The following LUC7L2 variants were observed in gnomAD, a reference collection of about 807,000 sequenced individuals.
The protein encoded by LUC7L2 is putative RNA-binding protein Luc7-like 2.
Under a neutral mutation model 52.8 loss-of-function variants are expected in LUC7L2, and 25 were observed. The ratio of observed to expected loss-of-function variants is 0.47; its 90% CI spans 0.34 to 0.66. The LOEUF (loss-of-function observed/expected upper bound fraction) is 0.66, where lower values mean the gene tolerates loss of function less well. Ranked by LOEUF, LUC7L2 falls within the 30% of genes least tolerant of loss-of-function variation. The pLI is 0.01. For missense variants in LUC7L2, 328 were observed against 497.8 expected, an observed-to-expected ratio of 0.66 and a Z score of 3.25; for synonymous variants, 144 against 160.9, an observed-to-expected ratio of 0.89 and a Z score of 0.80.
intron 6 of LUC7L2, 74 bp downstream of exon 6, chr7:139,407,424 T>C: frequency 6.8e-7 from 1 of 1,474,588 alleles, no homozygotes; most frequent in Non-Finnish European, 9.1e-7. Flanking sequence ...TTGTACAATA[T>C]TCTTGACTAT....
upstream of LUC7L2, among the ~76,000 whole-genome samples, chr7:139,357,939 C>T (rs1329761385): frequency 2.0e-5 from 3 of 152,114 alleles, no homozygotes; most frequent in Non-Finnish European, 2.9e-5. Context: ...ATTCGCCCGC[C>T]TCGGCCTCCC....
intron 1 of LUC7L2, among the ~76,000 whole-genome samples, chr7:139,362,909 A>G (rs1799959942): frequency 6.6e-6 from 1 of 152,156 alleles, no homozygotes; most frequent in Non-Finnish European, 1.5e-5. Flanking sequence ...AAAGTAGTTA[A>G]TCATTTAGAT....
chr7:139,362,482 G>A (rs1799938234), intron 1 of LUC7L2, among the ~76,000 whole-genome samples: 1 of 152,108 alleles, frequency 6.6e-6, no homozygotes, highest in Non-Finnish European at 1.5e-5. Context: ...ACCATTTAAT[G>A]GGAACCCTTG....
At chr7:139,399,463 T>A (rs1794804597) in intron 3 of LUC7L2, among the ~76,000 whole-genome samples, 1 of 49,668 alleles carries the variant, frequency 2.0e-5, no homozygotes, top group Non-Finnish European at 3.4e-5. Flanking sequence ...TTTTTTTTTT[T>A]TTTTTTTTTT....
intron 7 of LUC7L2, among the ~76,000 whole-genome samples, chr7:139,410,094 C>T (rs989287487): frequency 6.6e-6 from 1 of 152,058 alleles, no homozygotes; most frequent in Non-Finnish European, 1.5e-5. Flanking sequence ...GTAGTCCCAG[C>T]TGCGCGGGAG....
intron 2 of LUC7L2, among the ~76,000 whole-genome samples, chr7:139,390,332 C>T (rs1433789022): frequency 2.0e-5 from 3 of 151,510 alleles, no homozygotes; most frequent in Non-Finnish European, 1.5e-5. Flanking sequence ...GCCATCTCCA[C>T]TCACCACAAC....
upstream of LUC7L2, among the ~76,000 whole-genome samples, chr7:139,358,489 C>CATTT (rs5887926): frequency 0.39 from 58,396 of 151,554 alleles, 15,621 homozygotes; most frequent in African/African-American, 0.77. Flanking sequence ...TTAACTCATT[C>CATTT]TTCTTACAGT....
intron 9 of LUC7L2, among the ~76,000 whole-genome samples, chr7:139,419,688 A>AT (rs1371782593): frequency 6.6e-6 from 1 of 152,126 alleles, no homozygotes; most frequent in Non-Finnish European, 1.5e-5. Context: ...AGATTGTGTT[A>AT]TTTTAGTCCC....
At chr7:139,393,038 G>A (rs894447870) in intron 2 of LUC7L2, among the ~76,000 whole-genome samples, 6 of 151,820 alleles carry the variant, frequency 4.0e-5, no homozygotes, top group Non-Finnish European at 8.8e-5. Context: ...AGGCCGAGGC[G>A]GTTGAATTAC....
At chr7:139,410,134 G>A (rs10244770) in intron 7 of LUC7L2, among the ~76,000 whole-genome samples, 1 of 152,072 alleles carries the variant, frequency 6.6e-6, no homozygotes, top group Non-Finnish European at 1.5e-5. Flanking sequence ...GTGAACCTGG[G>A]GGGGCAGAGC....
chr7:139,365,880 C>T (rs947222014), intron 1 of LUC7L2, among the ~76,000 whole-genome samples: 1 of 152,196 alleles, frequency 6.6e-6, no homozygotes, highest in Admixed American at 6.5e-5. Flanking sequence ...TCAAAACTTG[C>T]AGAAAAGCTA....
chr7:139,394,118 AAG>A (rs1350487225), intron 2 of LUC7L2, among the ~76,000 whole-genome samples: 4 of 152,174 alleles, frequency 2.6e-5, no homozygotes, highest in Non-Finnish European at 5.9e-5. Context: ...GTCCAAGCAA[AAG>A]AGATAATCCA....
At chr7:139,396,143 T>G (rs1794655560) in intron 2 of LUC7L2, among the ~76,000 whole-genome samples, 1 of 152,196 alleles carries the variant, frequency 6.6e-6, no homozygotes, top group Non-Finnish European at 1.5e-5. Flanking sequence ...GCTTTGATTA[T>G]TGAAAATATT....
At chr7:139,386,067 A>G (rs528247446) in intron 2 of LUC7L2, among the ~76,000 whole-genome samples, 4 of 152,286 alleles carry the variant, frequency 2.6e-5, no homozygotes, top group African/African-American at 7.2e-5. Context: ...CAATGGCACA[A>G]TCTTGGCTCA....
In LUC7L2 at chr7:139,363,976, CTTTT is replaced by C. The variant is rs1169793101; in HGVS notation, c.61+3678_61+3681del. On this transcript the variant is annotated intron_variant, in intron 1 of 9. Transcript: ENST00000354926. ...TGAGGGTGTGGATTTAGATTACATC[CTTTT>C]TTTTTTTTTTTTTTTTTTTTTTTGA... 6.7e-3 allele frequency among the ~76,000 whole-genome samples: 640 copies of C among 96,016 alleles called. 6 individuals carry two copies. Among genetic ancestry groups the C allele is most frequent in the African/African-American group, 0.023 (393 of 17,238 alleles). 63.0% of individuals were successfully genotyped at this position (96,016 alleles called of 152,430 possible).
chr7:139,366,848 T>C (rs560333480), intron 1 of LUC7L2, among the ~76,000 whole-genome samples: 17 of 152,328 alleles, frequency 1.1e-4, no homozygotes, highest in African/African-American at 4.1e-4. Flanking sequence ...ATTCTGGATA[T>C]GGGCCCCAGC....
intron 1 of LUC7L2, among the ~76,000 whole-genome samples, chr7:139,350,271 G>A (rs925160063): frequency 2.5e-4 from 38 of 151,948 alleles, no homozygotes; most frequent in African/African-American, 6.5e-4. Context: ...ACAGGCGCCC[G>A]CCACCACGCC....
chr7:139,408,997 A>G (rs968293797), intron 6 of LUC7L2, among the ~76,000 whole-genome samples: 3 of 151,558 alleles, frequency 2.0e-5, no homozygotes, highest in Admixed American at 6.6e-5. Flanking sequence ...AAAAATATTA[A>G]TAGAAAAATT....
intron 2 of LUC7L2, among the ~76,000 whole-genome samples, chr7:139,380,815 T>C (rs1402998309): frequency 1.3e-5 from 2 of 152,160 alleles, no homozygotes; most frequent in Non-Finnish European, 2.9e-5. Flanking sequence ...GTATCTTCCC[T>C]GAGGAAAGAT....
Sources: allele counts gnomAD v4.1 joint callset (sites outside exome capture counted in the v4.1 genomes callset), GRCh38; gene constraint gnomAD v4.1.1; transcripts MANE v1.5; gene names NCBI Gene and HGNC (gene_info 2026-07-23, HGNC 2026-07-21).